Variants in DPY19L1 observed in about 807,000 individuals in gnomAD.
DPY19L1 encodes protein C-mannosyl-transferase DPY19L1.
A neutral mutation model predicts 96.9 loss-of-function variants in DPY19L1; 35 were observed. The ratio of observed to expected loss-of-function variants is 0.36; its 90% CI spans 0.28 to 0.48. The LOEUF (loss-of-function observed/expected upper bound fraction) is 0.48. DPY19L1 is among the 20% of genes least tolerant of loss of function. The probability of loss-of-function intolerance (pLI) is 0.99; values close to 1 mark genes in which losing one functional copy is unlikely to be tolerated. For synonymous variants in DPY19L1, 205 were observed against 252.6 expected (o/e 0.81, Z 1.79); for missense variants, 521 against 777.9 (o/e 0.67, Z 3.93).
chr7:34,965,980 C>T (rs893247087), intron 10 of DPY19L1, among the ~76,000 whole-genome samples: 7 of 152,100 alleles, frequency 4.6e-5, no homozygotes, highest in Non-Finnish European at 1.0e-4. Flanking sequence ...ACCCCCTGAT[C>T]TTGGTGCTCC....
At chr7:35,002,120 C>A (rs1584248547) in intron 6 of DPY19L1, among the ~76,000 whole-genome samples, 3 of 122,084 alleles carry the variant, frequency 2.5e-5, no homozygotes, top group Admixed American at 9.7e-5. Flanking sequence ...AGCGAGACTC[C>A]AGCTCAAAAA....
intron 1 of DPY19L1, among the ~76,000 whole-genome samples, chr7:35,021,355 A>T (rs527585138): frequency 3.9e-5 from 6 of 152,308 alleles, no homozygotes; most frequent in Non-Finnish European, 5.9e-5. Context: ...TAAGGATGGG[A>T]GGTGCAAGAG....
chr7:34,993,905 A>C (rs1324517034), intron 6 of DPY19L1, among the ~76,000 whole-genome samples: 2 of 141,786 alleles, frequency 1.4e-5, no homozygotes, highest in South Asian at 4.4e-4. Flanking sequence ...ACGAAAATAC[A>C]AAAAAAAAAA....
At chr7:35,001,185 C>T (rs115214960) in intron 6 of DPY19L1, among the ~76,000 whole-genome samples, 1 of 152,128 alleles carries the variant, frequency 6.6e-6, no homozygotes, top group East Asian at 1.9e-4. Context: ...TGAACTTCTG[C>T]AATCAAAAAC....
At position 34,947,719 on chromosome 7, in the gene DPY19L1, G is replaced by A. The variant is rs1425400065; in HGVS notation, c.1423-18C>T. Reference sequence around the variant, plus strand: ...AGTGGAGTCTGAAATTCAAAGAGATGTTTTGTTAGAAGGAAACATTTTAAC... The same window carrying A: ...AGTGGAGTCTGAAATTCAAAGAGATATTTTGTTAGAAGGAAACATTTTAAC... On this transcript the variant is annotated intron_variant, in intron 14 of 21. Coordinates refer to ENST00000638088, the MANE Select transcript of DPY19L1 (RefSeq NM_001366673.1). 3 of 1,587,362 alleles carry A rather than the reference G, an allele frequency of 1.9e-6. No individual in the cohort carries two copies. The highest frequency in any genetic ancestry group is 1.4e-5 in the African/African-American group (1 of 73,486).
At chr7:34,952,334 T>C (rs1417826011) in intron 13 of DPY19L1, among the ~76,000 whole-genome samples, 2 of 152,028 alleles carry the variant, frequency 1.3e-5, no homozygotes, top group Admixed American at 1.3e-4. Flanking sequence ...TCTAAGAACA[T>C]AAAACTACCA....
intron 6 of DPY19L1, among the ~76,000 whole-genome samples, chr7:35,008,701 C>T (rs932099430): frequency 5.9e-5 from 9 of 152,064 alleles, no homozygotes; most frequent in African/African-American, 2.2e-4. Flanking sequence ...AGCAAGACCC[C>T]ATATTTTTTT....
chr7:35,016,377 A>C lies in DPY19L1; in HGVS notation c.411+1505T>G, dbSNP rs1300080904. Among the ~76,000 whole-genome samples, 6 of 152,364 alleles carry C rather than the reference A, an allele frequency of 3.9e-5. No homozygotes were observed. In the East Asian group the frequency reaches 1.2e-3, roughly 29 times the overall value. On this transcript the variant is annotated intron_variant, in intron 3 of 21. Coordinates refer to ENST00000638088, the MANE Select transcript of DPY19L1 (RefSeq NM_001366673.1). Reference sequence around the variant, plus strand: ...AAAAGAAGGTACTCCATTGATCACTACTAGAAGATGCTAGGGAAGCTACTC... The same window carrying C: ...AAAAGAAGGTACTCCATTGATCACTCCTAGAAGATGCTAGGGAAGCTACTC...
At chr7:35,035,708 C>G (rs564556563) in intron 1 of DPY19L1, among the ~76,000 whole-genome samples, 1 of 152,286 alleles carries the variant, frequency 6.6e-6, no homozygotes, top group Non-Finnish European at 1.5e-5. Context: ...CTGTGGATCC[C>G]TGTGGAGTAA....
intron 7 of DPY19L1, among the ~76,000 whole-genome samples, chr7:34,989,470 G>A (rs1340454746): frequency 5.3e-5 from 8 of 151,946 alleles, no homozygotes; most frequent in Non-Finnish European, 8.8e-5. Flanking sequence ...TAAAAAACTA[G>A]CTGAGTGTGG....
At chr7:35,026,537 T>TG (rs1786124274) in intron 1 of DPY19L1, among the ~76,000 whole-genome samples, 2 of 152,192 alleles carry the variant, frequency 1.3e-5, no homozygotes, top group Admixed American at 1.3e-4. Flanking sequence ...ACTTGGGGCT[T>TG]GGACATCTAC....
intron 10 of DPY19L1, among the ~76,000 whole-genome samples, 185 bp downstream of exon 10, chr7:34,966,709 T>C (rs938799697): frequency 2.0e-5 from 3 of 152,230 alleles, no homozygotes; most frequent in African/African-American, 7.2e-5. Context: ...TCAGATAATA[T>C]GACCCAAATT....
intron 21 of DPY19L1, among the ~76,000 whole-genome samples, chr7:34,933,447 A>T (rs1304211207): frequency 6.6e-6 from 1 of 152,242 alleles, no homozygotes; most frequent in Non-Finnish European, 1.5e-5. Flanking sequence ...ATCATTATAT[A>T]CATAGATGCT....
rs573038873 is a variant in DPY19L1, at chr7:34,986,985, AT to A, written c.822+2898del. Among the ~76,000 whole-genome samples the A allele has an allele frequency of 7.9e-5, 12 of 152,054 alleles. No homozygotes were observed. In the East Asian group the frequency reaches 1.5e-3, roughly 20 times the overall value. On this transcript the variant is annotated intron_variant, in intron 7 of 21. Coordinates refer to ENST00000638088, the MANE Select transcript of DPY19L1 (RefSeq NM_001366673.1). ...ACAGCATCAATCATGCTTCATAATA[AT>A]TTTTTTAATCTTATCATGAAAAAGC...
chr7:35,004,171 G>A (rs1228935856), intron 6 of DPY19L1, among the ~76,000 whole-genome samples: 1 of 152,152 alleles, frequency 6.6e-6, no homozygotes. Context: ...TTGGCTTGTC[G>A]CTTTAACCAG....
chr7:35,028,563 C>A (rs1390970068), intron 1 of DPY19L1, among the ~76,000 whole-genome samples: 1 of 152,100 alleles, frequency 6.6e-6, no homozygotes, highest in Non-Finnish European at 1.5e-5. Context: ...AATATGAATA[C>A]AAATGTTACC....
chr7:34,965,551 T>C (rs1368242917), intron 10 of DPY19L1, among the ~76,000 whole-genome samples: 5 of 152,184 alleles, frequency 3.3e-5, no homozygotes, highest in African/African-American at 9.6e-5. Flanking sequence ...GCTCAGGGCA[T>C]ACAGGACTTA....
intron 7 of DPY19L1, among the ~76,000 whole-genome samples, chr7:34,979,828 T>C (rs1300547815): frequency 1.3e-5 from 2 of 152,160 alleles, no homozygotes; most frequent in Non-Finnish European, 2.9e-5. Flanking sequence ...TATTCAGGAA[T>C]GTCCATTCTA....
At chr7:34,978,528 T>A (rs1042539525) in intron 7 of DPY19L1, among the ~76,000 whole-genome samples, 1 of 152,126 alleles carries the variant, frequency 6.6e-6, no homozygotes, top group Non-Finnish European at 1.5e-5. Flanking sequence ...TTAAGAGACA[T>A]GGCTTGAGTA....
Sources: gnomAD v4.1 joint callset for allele counts (sites outside exome capture counted in the v4.1 genomes callset) on GRCh38, gnomAD v4.1.1 for gene constraint, MANE v1.5 for transcripts, NCBI Gene and HGNC (gene_info 2026-07-23, HGNC 2026-07-21) for gene names.